The following ERI1 variants were observed in gnomAD, a reference collection of about 807,000 sequenced individuals.
ERI1 encodes exoribonuclease 1, also known as 3'-5' exoribonuclease 1.
A neutral mutation model predicts 39.7 loss-of-function variants in ERI1; 39 were observed. The observed-to-expected ratio is 0.98, with a 90% confidence interval of 0.76 to 1.28. ERI1 has a LOEUF of 1.28. ERI1 is among the 50% of genes most tolerant of loss of function. ERI1 has a pLI of 0.00. For synonymous variants in ERI1, 204 were observed against 149.6 expected (o/e 1.36, Z -2.65); for missense variants, 581 against 416.9 (o/e 1.39, Z -3.43).
In ERI1 at chr8:9,030,112, G is replaced by A. The variant is rs78090829; in HGVS notation, c.*78G>A. On this transcript the variant is annotated 3_prime_UTR_variant, in exon 7 of 7. Coordinates refer to ENST00000250263, the MANE Select transcript of ERI1 (RefSeq NM_153332.4). ...AGATGAATCTCATTGAATTAGTCCT[G>A]TAGTGCAAACTTTAAGCACCTTAAA... 4,639 of 1,565,456 alleles carry A rather than the reference G, an allele frequency of 3.0e-3. 111 individuals are homozygous for A. The African/African-American group carries it at 0.055, about 18-fold the overall frequency.
chr8:9,073,321 T>C (rs1421813298), intron 3 of ERI1, among the ~76,000 whole-genome samples: 1 of 152,234 alleles, frequency 6.6e-6, no homozygotes, highest in Admixed American at 6.5e-5. Flanking sequence ...AGGAGACTTC[T>C]TTATGGAAGG....
chr8:9,025,931 C>T (rs1214213232), intron 6 of ERI1, among the ~76,000 whole-genome samples: 1 of 152,054 alleles, frequency 6.6e-6, no homozygotes, highest in African/African-American at 2.4e-5. Flanking sequence ...AGTTAAGTTT[C>T]ATACAGTTTT....
chr8:9,023,265 G>A (rs1818110143), intron 6 of ERI1, among the ~76,000 whole-genome samples: 1 of 151,734 alleles, frequency 6.6e-6, no homozygotes, highest in African/African-American at 2.4e-5. Context: ...TCTGGATTTT[G>A]TAATCATATC....
intron 3 of ERI1, among the ~76,000 whole-genome samples, chr8:9,075,977 G>A (rs1420297671): frequency 6.6e-6 from 1 of 151,878 alleles, no homozygotes; most frequent in Non-Finnish European, 1.5e-5. Context: ...ACCCAGGCTG[G>A]AGTGCAGTGG....
At chr8:9,079,025 C>T (rs890805086) in intron 3 of ERI1, among the ~76,000 whole-genome samples, 1 of 151,962 alleles carries the variant, frequency 6.6e-6, no homozygotes, top group Non-Finnish European at 1.5e-5. Context: ...ACCTGGAAGG[C>T]AGGTGTCAAG....
intron 5 of ERI1, 27 bp from the exon 6 acceptor site, chr8:9,020,323 A>T: frequency 7.6e-7 from 1 of 1,312,326 alleles, no homozygotes; most frequent in East Asian, 2.5e-5. Flanking sequence ...TTATTTCATC[A>T]ATTTTTTGTC....
rs202176459 is a variant in ERI1 at position 9,066,311 on chromosome 8, G to T, written n.299+45847G>T. Among the ~76,000 whole-genome samples, 3 of 152,162 alleles carry T rather than the reference G, an allele frequency of 2.0e-5. No individual in the cohort carries two copies. In the East Asian group the frequency reaches 5.8e-4, roughly 29 times the overall value. Reference sequence around the variant, plus strand: ...TTTCTTCTCCTTTAAGTGGTTGGTGGTCATCTCAGAGTTGGTGTCCACAGA... The same window carrying T: ...TTTCTTCTCCTTTAAGTGGTTGGTGTTCATCTCAGAGTTGGTGTCCACAGA... On this transcript the variant is annotated intron_variant and non_coding_transcript_variant, in intron 3 of 3. Transcript: ENST00000518663.
chr8:9,063,623 A>C (rs1215158604), intron 3 of ERI1, among the ~76,000 whole-genome samples: 1 of 152,044 alleles, frequency 6.6e-6, no homozygotes, highest in Admixed American at 6.6e-5. Flanking sequence ...GAAAGAAGGA[A>C]GATTTGGGAT....
chr8:9,081,902 C>G (rs1368942549), intron 3 of ERI1, among the ~76,000 whole-genome samples: 1 of 152,082 alleles, frequency 6.6e-6, no homozygotes, highest in Non-Finnish European at 1.5e-5. Flanking sequence ...TTCTCATTAG[C>G]CTGCACTGGA....
At chr8:9,053,111 G>A (rs1022480887) in intron 3 of ERI1, among the ~76,000 whole-genome samples, 7 of 152,128 alleles carry the variant, frequency 4.6e-5, no homozygotes, top group Non-Finnish European at 7.3e-5. Flanking sequence ...CTGCCTCCCG[G>A]GTTCAAGAGA....
intron 3 of ERI1, among the ~76,000 whole-genome samples, chr8:9,088,282 AT>A (rs907008014): frequency 2.0e-5 from 3 of 151,996 alleles, no homozygotes; most frequent in Non-Finnish European, 4.4e-5. Context: ...AAAAAAAAAA[AT>A]TAAAGTGTTT....
chr8:9,042,815 C>G (rs940220117), intron 3 of ERI1, among the ~76,000 whole-genome samples: 4 of 152,118 alleles, frequency 2.6e-5, no homozygotes, highest in African/African-American at 9.7e-5. Context: ...ACGGATATTC[C>G]AAGATCTGAG....
intron 3 of ERI1, among the ~76,000 whole-genome samples, chr8:9,071,559 T>G (rs544741626): frequency 6.6e-6 from 1 of 152,242 alleles, no homozygotes; most frequent in Non-Finnish European, 1.5e-5. Context: ...GTTTCCAGTT[T>G]ATTCATCTGA....
intron 3 of ERI1, among the ~76,000 whole-genome samples, chr8:9,042,627 C>G (rs1031522378): frequency 3.3e-5 from 5 of 151,990 alleles, no homozygotes; most frequent in Non-Finnish European, 5.9e-5. Flanking sequence ...TGCGATGGGT[C>G]CTTGTGTCCA....
At chr8:9,050,764 G>A (rs967968625) in intron 3 of ERI1, among the ~76,000 whole-genome samples, 12 of 152,120 alleles carry the variant, frequency 7.9e-5, no homozygotes, top group African/African-American at 2.9e-4. Context: ...GTTAGCTGTG[G>A]GAACTTAGGT....
At chr8:9,089,778 C>T (rs1001276708) in intron 3 of ERI1, among the ~76,000 whole-genome samples, 2 of 152,186 alleles carry the variant, frequency 1.3e-5, no homozygotes, top group East Asian at 3.9e-4. Context: ...TTAGGAAAAA[C>T]AGAGGGATTA....
At chr8:9,009,125 C>G (rs944159851) in intron 2 of ERI1, 3 of 455,640 alleles carry the variant, frequency 6.6e-6, no homozygotes, top group Non-Finnish European at 1.3e-5. Flanking sequence ...TGCGTGGGAG[C>G]TAGCGATCTA....
At chr8:9,025,141 G>C (rs1818334216) in intron 6 of ERI1, among the ~76,000 whole-genome samples, 2 of 152,288 alleles carry the variant, frequency 1.3e-5, no homozygotes, top group South Asian at 4.1e-4. Flanking sequence ...CAGAGATTCA[G>C]AGAAAGGATC....
At chr8:9,066,246 G>C (rs181860408) in intron 3 of ERI1, among the ~76,000 whole-genome samples, 1 of 152,068 alleles carries the variant, frequency 6.6e-6, no homozygotes, top group Non-Finnish European at 1.5e-5. Context: ...GTTCCCACTA[G>C]CAGGGGCATC....
Sources: allele counts gnomAD v4.1 joint callset (sites outside exome capture counted in the v4.1 genomes callset), GRCh38; gene constraint gnomAD v4.1.1; transcripts MANE v1.5; gene names NCBI Gene and HGNC (gene_info 2026-07-23, HGNC 2026-07-21).